Variants in SYT6 observed in about 807,000 individuals in gnomAD.
The protein encoded by SYT6 is synaptotagmin-6.
Under a neutral mutation model 38.4 loss-of-function variants are expected in SYT6, and 24 were observed. The observed-to-expected ratio is 0.62, with a 90% CI of 0.45 to 0.88. The LOEUF is 0.88. SYT6 is among the 40% of genes least tolerant of loss of function. SYT6 has a pLI of 0.00. For synonymous variants in SYT6, 265 were observed against 241.9 expected, an observed-to-expected ratio of 1.10 and a Z score of -0.89; for missense variants, 611 against 621.0, an observed-to-expected ratio of 0.98 and a Z score of 0.17.
intron 5 of SYT6, among the ~76,000 whole-genome samples, chr1:114,098,253 T>G (rs1675765800): frequency 6.6e-6 from 1 of 152,166 alleles, no homozygotes; most frequent in Non-Finnish European, 1.5e-5. Context: ...GAGCACCATT[T>G]CTCCAAAACC....
chr1:114,139,949 G>A lies in SYT6; in HGVS notation c.178C>T (p.Leu60Phe), dbSNP rs1031478781. Residue 60 changes from leucine to phenylalanine, a missense_variant, in exon 2 of 8, where the codon CTC becomes TTC. Transcript: ENST00000610222. The stretch of plus-strand genomic sequence containing the variant: ...CACACAATAACTACAACTGCGAGGA[G>A]GCTGACAGAGGTGCCTGCCCTCGGC... ...SAAGAGTSVS[L>F]LAVVVIVCGV... 9 of 1,503,348 alleles carry A rather than the reference G, an allele frequency of 6.0e-6. No homozygotes were observed. The highest frequency in any genetic ancestry group is 8.0e-6 in the Non-Finnish European group (9 of 1,128,564). The allele number at this position is 1,503,348 out of a possible 1,614,324, so 93.1% of individuals were successfully genotyped here.
At chr1:114,110,481 G>C (rs1029349009) in intron 3 of SYT6, among the ~76,000 whole-genome samples, 1 of 152,184 alleles carries the variant, frequency 6.6e-6, no homozygotes, top group Admixed American at 6.5e-5. Context: ...GCAGAGGCTA[G>C]CAAAGAGTGC....
intron 1 of SYT6, among the ~76,000 whole-genome samples, chr1:114,146,912 C>A (rs1171877749): frequency 1.3e-5 from 2 of 151,956 alleles, no homozygotes; most frequent in Non-Finnish European, 2.9e-5. Flanking sequence ...TAAATGAGAC[C>A]AAAACTGTTG....
Position 114,092,295 on chromosome 1 carries a change from A to T in SYT6, c.*52-213T>A, listed in dbSNP as rs543243464. 2.3e-3 allele frequency among the ~76,000 whole-genome samples: 337 copies of T among 148,250 alleles called. 2 individuals are homozygous for T. The highest frequency in any genetic ancestry group is 8.3e-3 in the African/African-American group (328 of 39,326). On this transcript the variant is annotated intron_variant, in intron 7 of 7. Coordinates refer to ENST00000610222, the MANE Select transcript of SYT6 (RefSeq NM_001253772.2). ...TTTCAAAAAGACCTACTGCAGAGATAATTAAAGCTTTCTTAACTCTCTCTC... is the reference window on the plus strand; with the variant it reads ...TTTCAAAAAGACCTACTGCAGAGATTATTAAAGCTTTCTTAACTCTCTCTC...
intron 3 of SYT6, among the ~76,000 whole-genome samples, chr1:114,107,771 C>T (rs112819744): frequency 2.2e-3 from 333 of 152,356 alleles, no homozygotes; most frequent in African/African-American, 6.5e-3. Context: ...CTGCACTACC[C>T]TCTCTCAGGC....
chr1:114,125,998 G>GTATATATACTATATAC (rs1677707290), intron 3 of SYT6, among the ~76,000 whole-genome samples: 1 of 152,122 alleles, frequency 6.6e-6, no homozygotes, highest in Non-Finnish European at 1.5e-5. Flanking sequence ...CTACAGTATA[G>GTATATATACTATATAC]AGAGGCTCAC....
chr1:114,135,111 T>C (rs1197353611), intron 3 of SYT6, among the ~76,000 whole-genome samples: 2 of 152,036 alleles, frequency 1.3e-5, no homozygotes, highest in Non-Finnish European at 2.9e-5. Flanking sequence ...AACATCCAGC[T>C]CAGACAGACG....
intron 1 of SYT6, among the ~76,000 whole-genome samples, chr1:114,140,779 GTC>G (rs1311256313): frequency 6.6e-6 from 1 of 152,200 alleles, no homozygotes; most frequent in Non-Finnish European, 1.5e-5. Flanking sequence ...CCTTGAACAA[GTC>G]TTTCTGTGCC....
In SYT6 at chr1:114,104,482, C is replaced by T. The variant is rs551288139; in HGVS notation, c.1072-761G>A. 2.0e-5 allele frequency among the ~76,000 whole-genome samples: 3 copies of T among 152,272 alleles called. No individual in the cohort carries two copies. The East Asian group carries it at 5.8e-4, about 29-fold the overall frequency. ...AGACAGTAAGCACACCCATCTGTGG[C>T]ATTAAACAGTGCCTTGCCAGGTTGC... On this transcript the variant is annotated intron_variant, in intron 3 of 7. Transcript: ENST00000610222.
chr1:114,103,490 G>A, intron 4 of SYT6, 111 bp downstream of exon 4: 1 of 1,446,926 alleles, frequency 6.9e-7, no homozygotes, highest in South Asian at 1.3e-5. Flanking sequence ...TGTGTCCAGA[G>A]CTGGTGCTTC....
chr1:114,103,549 C>T, intron 4 of SYT6, 52 bp downstream of exon 4: 1 of 1,605,866 alleles, frequency 6.2e-7, no homozygotes, highest in South Asian at 1.1e-5. Flanking sequence ...GAACACCCTT[C>T]CAAATCCTAA....
At chr1:114,097,127 C>T (rs1163516594) in intron 6 of SYT6, among the ~76,000 whole-genome samples, 2 of 152,350 alleles carry the variant, frequency 1.3e-5, no homozygotes, top group South Asian at 2.1e-4. Flanking sequence ...TCTTGGGACT[C>T]CCAGCCCAGT....
chr1:114,111,511 T>C (rs138393788), intron 3 of SYT6, among the ~76,000 whole-genome samples: 97 of 152,272 alleles, frequency 6.4e-4, no homozygotes, highest in African/African-American at 2.3e-3. Context: ...CCTTCATGAC[T>C]TCATCTTGTT....
intron 3 of SYT6, among the ~76,000 whole-genome samples, chr1:114,136,571 C>A (rs969085037): frequency 6.6e-6 from 1 of 152,220 alleles, no homozygotes; most frequent in South Asian, 2.1e-4. Context: ...TGTGTCCTCT[C>A]CAGTTCTCTG....
At chr1:114,140,860 T>C (rs1226594452) in intron 1 of SYT6, among the ~76,000 whole-genome samples, 1 of 152,212 alleles carries the variant, frequency 6.6e-6, no homozygotes, top group East Asian at 1.9e-4. Context: ...ATTTCAAACT[T>C]TTAAATTACT....
chr1:114,126,962 C>T (rs1677781777), intron 3 of SYT6, among the ~76,000 whole-genome samples: 1 of 152,204 alleles, frequency 6.6e-6, no homozygotes, highest in South Asian at 2.1e-4. Flanking sequence ...GTCTGGGCCT[C>T]TGGCAGCTTT....
chr1:114,137,551 C>T lies in SYT6; in HGVS notation c.1015G>A (p.Ala339Thr). The T allele has an allele frequency of 6.2e-7, 1 of 1,614,174 alleles. No homozygotes were observed. Among genetic ancestry groups the T allele is most frequent in the Non-Finnish European group, 8.5e-7 (1 of 1,180,024 alleles). Residue 339 changes from alanine to threonine, a missense_variant, in exon 3 of 8, where the codon GCC becomes ACC. By Grantham distance (58) the Ala-to-Thr change is moderately conservative. Transcript: ENST00000610222. ...GAGGTTTCCCGAGACAGGTCAGAGG[C>T]CTCAAAGAGGTTGTCCAGGATGACC... ...GEVILDNLFEASDLSRETSIW... is the reference protein window; with the variant it reads ...GEVILDNLFETSDLSRETSIW...
chr1:114,153,559 G>A (rs1679555484), intron 1 of SYT6, 51 bp downstream of exon 1: 1 of 572,566 alleles, frequency 1.7e-6, no homozygotes, highest in Non-Finnish European at 3.1e-6. Flanking sequence ...GGGGAAGGGA[G>A]ATCGCAGGAC....
At chr1:114,134,032 C>G (rs987761459) in intron 3 of SYT6, among the ~76,000 whole-genome samples, 1 of 152,246 alleles carries the variant, frequency 6.6e-6, no homozygotes, top group Non-Finnish European at 1.5e-5. Flanking sequence ...GAATCCGACT[C>G]TCCTGCACAA....
Sources: gnomAD v4.1 joint callset for allele counts (sites outside exome capture counted in the v4.1 genomes callset) on GRCh38, gnomAD v4.1.1 for gene constraint, MANE v1.5 for transcripts, NCBI Gene and HGNC (gene_info 2026-07-23, HGNC 2026-07-21) for gene names.